The following RBMS3 variants were observed in gnomAD, a reference collection of about 807,000 sequenced individuals.
RBMS3 encodes RNA binding motif single stranded interacting protein 3, also known as RNA-binding motif, single-stranded-interacting protein 3.
Under a neutral mutation model 66.8 loss-of-function variants are expected in RBMS3, and 27 were observed. The observed-to-expected ratio is 0.40, with a 90% CI of 0.30 to 0.56. The LOEUF (loss-of-function observed/expected upper bound fraction) is 0.56. RBMS3 is among the 20% of genes least tolerant of loss of function. RBMS3 has a pLI of 0.40. For missense variants in RBMS3, 513 were observed against 549.5 expected (o/e 0.93, Z 0.66); for synonymous variants, 188 against 183.0 (o/e 1.03, Z -0.22).
chr3:29,360,389 T>A (rs2037502920), intron 1 of RBMS3, among the ~76,000 whole-genome samples: 1 of 152,102 alleles, frequency 6.6e-6, no homozygotes, highest in Non-Finnish European at 1.5e-5. Flanking sequence ...AGTTCTAATT[T>A]GATTGCACTG....
chr3:29,886,463 G>T (rs984910632), intron 8 of RBMS3, among the ~76,000 whole-genome samples: 1 of 151,776 alleles, frequency 6.6e-6, no homozygotes, highest in Admixed American at 6.6e-5. Context: ...GAAGCAATGA[G>T]ATTTGGCATA....
At chr3:29,998,746 A>T (rs1412168137) in intron 14 of RBMS3, among the ~76,000 whole-genome samples, 1 of 152,108 alleles carries the variant, frequency 6.6e-6, no homozygotes, top group Non-Finnish European at 1.5e-5. Flanking sequence ...CCTTCCTTAC[A>T]CCTTATACAA....
chr3:29,466,219 A>C (rs2042536782), intron 2 of RBMS3, among the ~76,000 whole-genome samples: 3 of 151,896 alleles, frequency 2.0e-5, no homozygotes, highest in Non-Finnish European at 4.4e-5. Context: ...TAGATATGTA[A>C]CAAGCAGGAG....
intron 4 of RBMS3, among the ~76,000 whole-genome samples, chr3:29,590,932 A>C (rs75790398): frequency 0.045 from 6,808 of 152,204 alleles, 233 homozygotes; most frequent in Non-Finnish European, 0.067. Context: ...TCCACAGTTA[A>C]TCCAGGAAAA....
chr3:29,995,796 C>G (rs566476187), intron 14 of RBMS3, among the ~76,000 whole-genome samples: 1 of 152,148 alleles, frequency 6.6e-6, no homozygotes, highest in Non-Finnish European at 1.5e-5. Flanking sequence ...ACAACCGGTA[C>G]CAGCCACTGC....
At chr3:29,704,212 C>G (rs2052768097) in intron 4 of RBMS3, among the ~76,000 whole-genome samples, 1 of 152,160 alleles carries the variant, frequency 6.6e-6, no homozygotes, top group Non-Finnish European at 1.5e-5. Context: ...AACCATCTCC[C>G]CACACAGGTT....
chr3:29,411,019 T>G (rs1396739170), intron 1 of RBMS3, among the ~76,000 whole-genome samples: 1 of 149,166 alleles, frequency 6.7e-6, no homozygotes, highest in African/African-American at 2.5e-5. Context: ...GAAAAGGAAA[T>G]TCAACCACTT....
chr3:29,777,409 T>G (rs1388535919), intron 6 of RBMS3, among the ~76,000 whole-genome samples: 1 of 151,972 alleles, frequency 6.6e-6, no homozygotes, highest in Non-Finnish European at 1.5e-5. Flanking sequence ...TCGAGCATAT[T>G]ATTCTAGTGT....
At chr3:29,433,335 C>G (rs1211006634) in intron 1 of RBMS3, among the ~76,000 whole-genome samples, 1 of 152,004 alleles carries the variant, frequency 6.6e-6, no homozygotes, top group Non-Finnish European at 1.5e-5. Context: ...AGAACCCAGC[C>G]CAAAGTTTCC....
chr3:29,743,037 C>G (rs1168305431), intron 5 of RBMS3, among the ~76,000 whole-genome samples: 1 of 152,136 alleles, frequency 6.6e-6, no homozygotes, highest in Non-Finnish European at 1.5e-5. Flanking sequence ...AAAAGTATTT[C>G]GTTCTCCATG....
At chr3:29,636,231 A>T (rs1210308256) in intron 4 of RBMS3, among the ~76,000 whole-genome samples, 1 of 151,906 alleles carries the variant, frequency 6.6e-6, no homozygotes, top group African/African-American at 2.4e-5. Context: ...TTATATTAAA[A>T]TAAGGGCTAT....
At chr3:29,340,732 ATCTTGGTTTTC>A (rs1276226949) in intron 1 of RBMS3, among the ~76,000 whole-genome samples, 1 of 152,154 alleles carries the variant, frequency 6.6e-6, no homozygotes, top group Non-Finnish European at 1.5e-5. Context: ...GATGTCAAAT[ATCTTGGTTTTC>A]TCTATGTGCT....
intron 4 of RBMS3, among the ~76,000 whole-genome samples, chr3:29,678,729 G>A (rs1010123231): frequency 4.6e-5 from 7 of 152,090 alleles, no homozygotes; most frequent in Admixed American, 4.6e-4. Context: ...AAATTTGAGA[G>A]AATGAGTTAC....
chr3:29,869,103 C>A lies in RBMS3; in HGVS notation c.744+139C>A, dbSNP rs2059428407. 7.6e-6 allele frequency: 5 copies of A among 653,904 alleles called. No individual in the cohort carries two copies. In the South Asian group the frequency reaches 1.0e-4, roughly 13 times the overall value. 40.5% of individuals were successfully genotyped at this position (653,904 alleles called of 1,614,324 possible). A position where few individuals can be genotyped will look rare whatever the true frequency, so the allele number is the denominator to read the frequency against. On this transcript the variant is annotated intron_variant, in intron 7 of 14. Coordinates refer to ENST00000383767, the MANE Select transcript of RBMS3 (RefSeq NM_001003793.3). ...GTCTTCAAAGGGGCAAATGAGCAGA[C>A]CCATGTTAATGTGTTCTAGATGAAA... is the stretch of plus-strand genomic sequence containing the variant.
chr3:29,854,305 A>T (rs892040909), intron 6 of RBMS3, among the ~76,000 whole-genome samples: 2 of 152,206 alleles, frequency 1.3e-5, no homozygotes, highest in African/African-American at 4.8e-5. Flanking sequence ...TAGGCCTCTT[A>T]CAATTTACTT....
At chr3:29,544,177 C>A (rs1005888313) in intron 3 of RBMS3, among the ~76,000 whole-genome samples, 1 of 151,976 alleles carries the variant, frequency 6.6e-6, no homozygotes, top group Admixed American at 6.6e-5. Flanking sequence ...TTGTAAAAGA[C>A]AAAAGGTTAA....
At chr3:29,453,112 G>A (rs1239461413) in intron 2 of RBMS3, among the ~76,000 whole-genome samples, 1 of 152,144 alleles carries the variant, frequency 6.6e-6, no homozygotes, top group Non-Finnish European at 1.5e-5. Flanking sequence ...TGCTTGCTAA[G>A]ACAGAAGCCT....
At position 29,350,262 on chromosome 3, in the gene RBMS3, A is replaced by G. The variant is rs184135587; in HGVS notation, c.75+68506A>G. Among the ~76,000 whole-genome samples, 12 of 152,012 alleles carry G rather than the reference A, an allele frequency of 7.9e-5. No individual in the cohort carries two copies. The East Asian group carries it at 2.3e-3, about 29-fold the overall frequency. ...TAAAATTATGGCTAAGAATTAAGGG[A>G]TGACTGTTCCTGCTAGTTAGCATGG... On this transcript the variant is annotated intron_variant, in intron 1 of 14. Coordinates refer to ENST00000383767, the MANE Select transcript of RBMS3 (RefSeq NM_001003793.3).
chr3:29,935,864 G>C (rs967118665), intron 10 of RBMS3, among the ~76,000 whole-genome samples: 1 of 151,954 alleles, frequency 6.6e-6, no homozygotes, highest in African/African-American at 2.4e-5. Flanking sequence ...ACACATCACA[G>C]GTAAATTACC....
Sources: allele counts gnomAD v4.1 joint callset (sites outside exome capture counted in the v4.1 genomes callset), GRCh38; gene constraint gnomAD v4.1.1; transcripts MANE v1.5; gene names NCBI Gene and HGNC (gene_info 2026-07-23, HGNC 2026-07-21).